C2orf42: variants seen among roughly 807,000 people sequenced by gnomAD.
The protein encoded by C2orf42 is uncharacterized protein C2orf42.
C2orf42 carries 44 observed loss-of-function variants against 58.9 expected under a neutral mutation model. That is an observed-to-expected ratio of 0.75 (90% CI 0.59 to 0.96). The LOEUF (loss-of-function observed/expected upper bound fraction) is 0.96, where lower values mean the gene tolerates loss of function less well. Ranked by LOEUF, C2orf42 falls within the 40% of genes least tolerant of loss-of-function variation. C2orf42 has a pLI of 0.00. For synonymous variants in C2orf42, 239 were observed against 265.4 expected (o/e 0.90, Z 0.97); for missense variants, 630 against 699.2 (o/e 0.90, Z 1.12).
chr2:70,181,182 G>C lies in C2orf42; in HGVS notation c.804C>G (p.Phe268Leu). ...ACCTACCGCTGGAATCAAAATTTAG[G>C]AAGTCTGAGAATTCCTGAGCCAGTG... ...DETLAQEFSD[F>L]LNFDSSGLKE... The change falls in exon 3 of 10, where the codon TTC (phenylalanine) becomes TTG (leucine). Residue 268 changes from phenylalanine to leucine, a missense_variant. By Grantham distance (22) the Phe-to-Leu change is conservative. Coordinates refer to ENST00000264434, the MANE Select transcript of C2orf42 (RefSeq NM_017880.3). 1 of 1,562,704 alleles carries C rather than the reference G, an allele frequency of 6.4e-7. No individual in the cohort carries two copies. Among genetic ancestry groups the C allele is most frequent in the Non-Finnish European group, 8.7e-7 (1 of 1,150,960 alleles).
At chr2:70,175,573 C>T in intron 5 of C2orf42, 100 bp downstream of exon 5, 1 of 781,158 alleles carries the variant, frequency 1.3e-6, no homozygotes, top group South Asian at 1.4e-5. Flanking sequence ...AGTATTTATG[C>T]TGGGACTCTT....
chr2:70,187,838 A>G (rs1675056370), intron 1 of C2orf42, among the ~76,000 whole-genome samples: 1 of 150,704 alleles, frequency 6.6e-6, no homozygotes, highest in South Asian at 2.1e-4. Flanking sequence ...CTACAGGCAC[A>G]TGCCACCACG....
chr2:70,186,384 T>C (rs929170960), intron 1 of C2orf42, among the ~76,000 whole-genome samples: 1 of 130,124 alleles, frequency 7.7e-6, no homozygotes, highest in Non-Finnish European at 1.6e-5. Context: ...TTAAAAATTA[T>C]GTTGCTAATG....
intron 5 of C2orf42, among the ~76,000 whole-genome samples, chr2:70,170,194 A>C (rs1327638424): frequency 2.0e-5 from 3 of 151,964 alleles, no homozygotes; most frequent in Non-Finnish European, 4.4e-5. Context: ...AAAAAAAAAA[A>C]AAACTTGAAG....
At chr2:70,188,581 C>T (rs573108944) in intron 1 of C2orf42, among the ~76,000 whole-genome samples, 2 of 152,184 alleles carry the variant, frequency 1.3e-5, no homozygotes, top group Admixed American at 1.3e-4. Context: ...AAACACCACT[C>T]ACCCAGTTTC....
rs150749378 is a variant in C2orf42 at position 70,150,384 on chromosome 2, G to A, written c.1697C>T (p.Ala566Val). 5 of 1,613,922 alleles carry A rather than the reference G, an allele frequency of 3.1e-6. No homozygotes were observed. The highest frequency in any genetic ancestry group is 2.7e-5 in the African/African-American group (2 of 75,024). ...AGGGAAAGTAATAGTGGTCAGAGGG[G>A]CCAGTTCCAAGGGCTGGTCCAAGGG... ...RPPLDQPLEL[A>V]PLTTITFP Residue 566 changes from alanine to valine, a missense_variant, in exon 10 of 10, where the codon GCC becomes GTC. Transcript: ENST00000264434.
intron 1 of C2orf42, among the ~76,000 whole-genome samples, chr2:70,189,968 C>T (rs1162076431): frequency 6.6e-6 from 1 of 151,672 alleles, no homozygotes; most frequent in Admixed American, 6.6e-5. Context: ...GAGAGATACA[C>T]ATATGTATCT....
chr2:70,153,827 A>C (rs1250012695), intron 9 of C2orf42, among the ~76,000 whole-genome samples: 1 of 151,196 alleles, frequency 6.6e-6, no homozygotes, highest in Non-Finnish European at 1.5e-5. Context: ...TGGGAGGCCG[A>C]GGCGGGTGGA....
chr2:70,187,311 C>T (rs1223825163), intron 1 of C2orf42, among the ~76,000 whole-genome samples: 3 of 152,132 alleles, frequency 2.0e-5, no homozygotes, highest in Admixed American at 6.6e-5. Context: ...AGTGCAATGA[C>T]GCAATCTCAG....
intron 8 of C2orf42, among the ~76,000 whole-genome samples, chr2:70,162,366 G>A (rs751881335): frequency 6.6e-6 from 1 of 151,150 alleles, no homozygotes; most frequent in Non-Finnish European, 1.5e-5. Context: ...GGCCTTTGCT[G>A]GCCTGGCGCA....
chr2:70,175,121 T>TTTTG (rs1305672939), intron 5 of C2orf42, among the ~76,000 whole-genome samples: 1 of 152,166 alleles, frequency 6.6e-6, no homozygotes, highest in South Asian at 2.1e-4. Context: ...TACACATATG[T>TTTTG]TTTGTTTGTT....
At chr2:70,175,131 T>C (rs1674100376) in intron 5 of C2orf42, among the ~76,000 whole-genome samples, 1 of 152,188 alleles carries the variant, frequency 6.6e-6, no homozygotes, top group Admixed American at 6.6e-5. Context: ...TTTTGTTTGT[T>C]TGTTTGTTTA....
intron 1 of C2orf42, among the ~76,000 whole-genome samples, chr2:70,189,835 GGGCA>G (rs1459815080): frequency 9.9e-5 from 15 of 151,880 alleles, no homozygotes; most frequent in African/African-American, 3.6e-4. Context: ...AGACCAGCCT[GGGCA>G]ACATAGTGAG....
intron 1 of C2orf42, among the ~76,000 whole-genome samples, chr2:70,184,167 A>ATT (rs1674768835): frequency 6.6e-6 from 1 of 151,826 alleles, no homozygotes; most frequent in Non-Finnish European, 1.5e-5. Flanking sequence ...AAAGGTGGAC[A>ATT]TTTTAAAACT....
Position 70,188,442 on chromosome 2 carries a change from G to A in C2orf42, c.-282+2531C>T, listed in dbSNP as rs113094743. Among the ~76,000 whole-genome samples the A allele has an allele frequency of 2.6e-3, 400 of 152,146 alleles. 1 individual carries two copies. Among genetic ancestry groups the A allele is most frequent in the African/African-American group, 9.2e-3 (382 of 41,496 alleles). On this transcript the variant is annotated intron_variant, in intron 1 of 9. Coordinates refer to ENST00000264434, the MANE Select transcript of C2orf42 (RefSeq NM_017880.3). ...TGACCTCAAGTGATCTGCCTGTCTCGGCCTCCCAAAGTACTGGGATTACAG... is the reference window on the plus strand; with the variant it reads ...TGACCTCAAGTGATCTGCCTGTCTCAGCCTCCCAAAGTACTGGGATTACAG...
At chr2:70,161,631 G>A (rs1010441739) in intron 8 of C2orf42, among the ~76,000 whole-genome samples, 66 of 151,954 alleles carry the variant, frequency 4.3e-4, no homozygotes, top group African/African-American at 1.5e-3. Context: ...ACCTGAGGTC[G>A]GGAGTTTGAG....
At chr2:70,156,895 A>G (rs1024543238) in intron 9 of C2orf42, among the ~76,000 whole-genome samples, 6 of 152,066 alleles carry the variant, frequency 3.9e-5, no homozygotes, top group African/African-American at 1.4e-4. Flanking sequence ...TAAAAAATTA[A>G]AAGAATAAAA....
intron 3 of C2orf42, among the ~76,000 whole-genome samples, chr2:70,180,205 G>A (rs1197558743): frequency 6.6e-6 from 1 of 151,582 alleles, no homozygotes; most frequent in African/African-American, 2.4e-5. Context: ...GGCAGGAGAA[G>A]CGCTTGAACC....
At chr2:70,165,462 A>AT in intron 7 of C2orf42, 66 bp downstream of exon 7, 1 of 944,246 alleles carries the variant, frequency 1.1e-6, no homozygotes, top group Non-Finnish European at 1.7e-6. Context: ...TTCCACACAG[A>AT]TTTTTTCCAA....
Sources: gnomAD v4.1 joint callset for allele counts (sites outside exome capture counted in the v4.1 genomes callset) on GRCh38, gnomAD v4.1.1 for gene constraint, MANE v1.5 for transcripts, NCBI Gene and HGNC (gene_info 2026-07-23, HGNC 2026-07-21) for gene names.